The following ELMO1 variants were observed in gnomAD, a reference collection of about 807,000 sequenced individuals.
ELMO1 encodes the protein engulfment and cell motility protein 1.
A neutral mutation model predicts 98.9 loss-of-function variants in ELMO1; 26 were observed. The observed-to-expected ratio is 0.26, with a 90% confidence interval of 0.19 to 0.36. The LOEUF (loss-of-function observed/expected upper bound fraction) is 0.36. Ranked by LOEUF, ELMO1 falls within the 10% of genes least tolerant of loss-of-function variation. The pLI is 1.00. For missense variants in ELMO1, 627 were observed against 935.2 expected (o/e 0.67, Z 4.30); for synonymous variants, 346 against 346.0 (o/e 1.00, Z 0.00).
At chr7:37,439,505 C>T (rs1009705640) in intron 1 of ELMO1, among the ~76,000 whole-genome samples, 1 of 152,222 alleles carries the variant, frequency 6.6e-6, no homozygotes. Context: ...CCCTTCTCCA[C>T]ATATGGAGTG....
intron 15 of ELMO1, among the ~76,000 whole-genome samples, chr7:37,085,948 T>C (rs969321436): frequency 5.9e-5 from 9 of 152,226 alleles, no homozygotes; most frequent in African/African-American, 2.2e-4. Flanking sequence ...TCCACTAGCA[T>C]TGGAAAAGAC....
intron 13 of ELMO1, among the ~76,000 whole-genome samples, chr7:37,167,339 T>A (rs1019564130): frequency 6.6e-6 from 1 of 152,186 alleles, no homozygotes; most frequent in African/African-American, 2.4e-5. Flanking sequence ...TCCATTTACA[T>A]TTAAAGTTAA....
chr7:37,393,628 G>C (rs763345788), intron 1 of ELMO1, among the ~76,000 whole-genome samples: 12 of 152,206 alleles, frequency 7.9e-5, no homozygotes, highest in Non-Finnish European at 1.6e-4. Context: ...GTCTGGTGCT[G>C]CTGCTACTGA....
At chr7:37,051,231 G>C (rs1430205488) in intron 15 of ELMO1, among the ~76,000 whole-genome samples, 1 of 152,230 alleles carries the variant, frequency 6.6e-6, no homozygotes, top group Non-Finnish European at 1.5e-5. Flanking sequence ...TCTTATGCAT[G>C]TTGGGTGAGA....
intron 16 of ELMO1, among the ~76,000 whole-genome samples, chr7:36,973,467 T>C (rs1376030292): frequency 6.6e-6 from 1 of 152,216 alleles, no homozygotes; most frequent in East Asian, 1.9e-4. Context: ...CACATAGGCC[T>C]CAATTTGCTC....
At chr7:37,125,248 A>T (rs1240528142) in intron 14 of ELMO1, among the ~76,000 whole-genome samples, 1 of 152,198 alleles carries the variant, frequency 6.6e-6, no homozygotes, top group Non-Finnish European at 1.5e-5. Flanking sequence ...TGTCTAAAAC[A>T]CCAAAAGCAA....
chr7:37,095,626 T>C (rs1264107403), intron 15 of ELMO1, among the ~76,000 whole-genome samples: 1 of 152,246 alleles, frequency 6.6e-6, no homozygotes, highest in Non-Finnish European at 1.5e-5. Context: ...TTTCTTAGTA[T>C]TTTTCCTTAC....
chr7:36,890,944 C>A (rs1805496376), intron 17 of ELMO1, among the ~76,000 whole-genome samples: 1 of 152,210 alleles, frequency 6.6e-6, no homozygotes, highest in South Asian at 2.1e-4. Context: ...ACACCCAGAC[C>A]TGCTCCAACC....
chr7:37,046,182 CTT>C (rs1400003203), intron 15 of ELMO1, among the ~76,000 whole-genome samples: 2 of 152,192 alleles, frequency 1.3e-5, no homozygotes, highest in Non-Finnish European at 2.9e-5. Context: ...CAAATTTTTT[CTT>C]GACTCCTTTT....
intron 14 of ELMO1, among the ~76,000 whole-genome samples, chr7:37,115,380 T>C (rs1377035356): frequency 1.3e-5 from 2 of 152,156 alleles, no homozygotes; most frequent in Admixed American, 6.6e-5. Context: ...CAACAATCTA[T>C]AAATAGAATT....
chr7:36,890,316 T>C (rs1196610320), intron 17 of ELMO1, among the ~76,000 whole-genome samples: 1 of 152,216 alleles, frequency 6.6e-6, no homozygotes, highest in Non-Finnish European at 1.5e-5. Flanking sequence ...GCCACTGCCA[T>C]GCACAGAAGA....
rs986798603 is a variant in ELMO1, at chr7:37,434,741, C to A, written c.-74+13934G>T. Among the ~76,000 whole-genome samples, 3 of 152,156 alleles carry A rather than the reference C, an allele frequency of 2.0e-5. No individual in the cohort carries two copies. The East Asian group carries it at 5.8e-4, about 29-fold the overall frequency. On this transcript the variant is annotated intron_variant, in intron 1 of 21. Coordinates refer to ENST00000310758, the MANE Select transcript of ELMO1 (RefSeq NM_014800.11). Reference sequence around the variant, plus strand: ...TGCTCCCTGCCTCAGGCACTCTGCTCCCCAGTTCCTGCAACATCCAAGGTC... The same window carrying A: ...TGCTCCCTGCCTCAGGCACTCTGCTACCCAGTTCCTGCAACATCCAAGGTC...
intron 16 of ELMO1, among the ~76,000 whole-genome samples, chr7:36,963,079 T>C (rs1030860318): frequency 6.6e-6 from 1 of 152,182 alleles, no homozygotes; most frequent in Non-Finnish European, 1.5e-5. Flanking sequence ...GAGTGTCATG[T>C]AGTAATTAGT....
At chr7:37,379,675 G>A (rs1401857477) in intron 1 of ELMO1, among the ~76,000 whole-genome samples, 1 of 152,170 alleles carries the variant, frequency 6.6e-6, no homozygotes, top group African/African-American at 2.4e-5. Flanking sequence ...AGATTTTTAT[G>A]TATTGAGGTG....
At chr7:37,155,503 A>AAAAAAAAAAAAAAAT (rs61189239) in intron 13 of ELMO1, among the ~76,000 whole-genome samples, 30 of 131,732 alleles carry the variant, frequency 2.3e-4, no homozygotes, top group Non-Finnish European at 3.1e-4. Flanking sequence ...AAAAAAAAAA[A>AAAAAAAAAAAAAAAT]AAAAAGCAGG....
At chr7:37,097,614 A>AAAG (rs1562998905) in intron 14 of ELMO1, among the ~76,000 whole-genome samples, 9 of 151,820 alleles carry the variant, frequency 5.9e-5, no homozygotes, top group African/African-American at 1.9e-4. Context: ...AAGAGAAAAA[A>AAAG]AAAGAAAGAA....
At chr7:36,973,163 A>C (rs1203026656) in intron 16 of ELMO1, among the ~76,000 whole-genome samples, 1 of 152,220 alleles carries the variant, frequency 6.6e-6, no homozygotes, top group African/African-American at 2.4e-5. Context: ...TTAAATGTCC[A>C]CTTGAGTGGT....
intron 14 of ELMO1, among the ~76,000 whole-genome samples, chr7:37,115,971 G>A (rs1368061936): frequency 6.6e-6 from 1 of 152,162 alleles, no homozygotes; most frequent in African/African-American, 2.4e-5. Flanking sequence ...GCTGTGTGTG[G>A]GAGAAATGAG....
chr7:37,078,291 T>C (rs1797691259), intron 15 of ELMO1, among the ~76,000 whole-genome samples: 2 of 152,208 alleles, frequency 1.3e-5, no homozygotes, highest in Admixed American at 1.3e-4. Flanking sequence ...AAAGTAATAA[T>C]ATGGCTATAG....
Sources: gnomAD v4.1 joint callset for allele counts (sites outside exome capture counted in the v4.1 genomes callset) on GRCh38, gnomAD v4.1.1 for gene constraint, MANE v1.5 for transcripts, NCBI Gene and HGNC (gene_info 2026-07-23, HGNC 2026-07-21) for gene names.